Variants in FBXO7 observed in about 807,000 individuals in gnomAD.
FBXO7 encodes the protein F-box protein 7.
A neutral mutation model predicts 50.2 loss-of-function variants in FBXO7; 31 were observed. The observed-to-expected ratio is 0.62, with a 90% CI of 0.46 to 0.83. The LOEUF (loss-of-function observed/expected upper bound fraction) is 0.83. Among genes scored for constraint, FBXO7 ranks in the 40% least tolerant of loss-of-function variants. FBXO7 has a pLI of 0.00. For missense variants in FBXO7, 667 were observed against 646.6 expected (o/e 1.03, Z -0.34); for synonymous variants, 256 against 253.1 (o/e 1.01, Z -0.11).
Position 32,474,845 on chromosome 22 carries a change from CTG to C in FBXO7, c.-155_-154del. The C allele has an allele frequency of 1.4e-6, 1 of 711,860 alleles. No homozygotes were observed. The highest frequency in any genetic ancestry group is 3.0e-5 in the East Asian group (1 of 33,100). 44.1% of individuals were successfully genotyped at this position (711,860 alleles called of 1,614,324 possible). A position where few individuals can be genotyped will look rare whatever the true frequency, so the allele number is the denominator to read the frequency against. On this transcript the variant is annotated 5_prime_UTR_variant, in exon 1 of 9. Transcript: ENST00000266087. ...CAGAGACCGAGTGGCAGGGCGGCCA[CTG>C]TGGCGGGGCTCTTTCCCCGTTTCGC...
intron 2 of FBXO7, among the ~76,000 whole-genome samples, chr22:32,480,477 C>G (rs2057457529): frequency 6.6e-6 from 1 of 152,030 alleles, no homozygotes; most frequent in East Asian, 1.9e-4. Context: ...CACACACAAC[C>G]TGGTGACTAC....
intron 4 of FBXO7, among the ~76,000 whole-genome samples, chr22:32,486,478 G>A (rs980812596): frequency 1.3e-5 from 2 of 151,930 alleles, no homozygotes; most frequent in Admixed American, 1.3e-4. Context: ...GACCACAGGC[G>A]TGTACCACCA....
chr22:32,495,796 T>A (rs544921268), intron 8 of FBXO7, among the ~76,000 whole-genome samples: 4 of 152,232 alleles, frequency 2.6e-5, no homozygotes, highest in Non-Finnish European at 4.4e-5. Context: ...ATGAGTTGTC[T>A]GTGCTGGAGT....
chr22:32,485,257 G>C (rs752233316), intron 4 of FBXO7, 48 bp downstream of exon 4: 18 of 1,612,092 alleles, frequency 1.1e-5, no homozygotes, highest in Middle Eastern at 3.4e-4. Flanking sequence ...ATTCTTAGAC[G>C]TTTCTTTCCA....
chr22:32,475,345 T>A (rs780528326), intron 1 of FBXO7: 1 of 1,607,822 alleles, frequency 6.2e-7, no homozygotes. Context: ...TCGGCTGGGG[T>A]CCGGCTCCTG....
chr22:32,477,018 A>T (rs2057433506), intron 1 of FBXO7, among the ~76,000 whole-genome samples: 1 of 152,222 alleles, frequency 6.6e-6, no homozygotes, highest in Non-Finnish European at 1.5e-5. Flanking sequence ...TTGCTGTGAC[A>T]AATGACCCAT....
intron 2 of FBXO7, among the ~76,000 whole-genome samples, chr22:32,483,215 T>C (rs1392300549): frequency 1.3e-5 from 2 of 152,226 alleles, no homozygotes; most frequent in African/African-American, 2.4e-5. Context: ...ATTATTGTTA[T>C]TAGACTCCTC....
chr22:32,494,126 A>G (rs1464626751), intron 7 of FBXO7, among the ~76,000 whole-genome samples: 4 of 149,600 alleles, frequency 2.7e-5, no homozygotes, highest in Non-Finnish European at 6.0e-5. Flanking sequence ...AAAAAAAAAA[A>G]AGAATATCAT....
In FBXO7 at chr22:32,484,954, A is replaced by G. The variant is rs1482797765; in HGVS notation, c.646-114A>G. 14 of 1,199,024 alleles carry G rather than the reference A, an allele frequency of 1.2e-5. No homozygotes were observed. The East Asian group carries it at 3.1e-4, about 26-fold the overall frequency. The allele number at this position is 1,199,024 out of a possible 1,614,324, so 74.3% of individuals were successfully genotyped here. The stretch of plus-strand genomic sequence containing the variant: ...GTTAATGATTTGATGCATTTTATTA[A>G]GAGGACTGTGTGGAGTGATTATTTC... On this transcript the variant is annotated intron_variant, in intron 3 of 8. Coordinates refer to ENST00000266087, the MANE Select transcript of FBXO7 (RefSeq NM_012179.4).
intron 1 of FBXO7, among the ~76,000 whole-genome samples, chr22:32,478,393 G>A (rs1269474167): frequency 6.6e-6 from 1 of 152,074 alleles, no homozygotes. Flanking sequence ...ATTGATTTTA[G>A]GAAGTATCTT....
chr22:32,483,496 A>T (rs897001216), intron 2 of FBXO7, among the ~76,000 whole-genome samples: 9 of 152,214 alleles, frequency 5.9e-5, no homozygotes, highest in African/African-American at 1.9e-4. Context: ...TGAAGAAGGG[A>T]TACTTGCAAC....
chr22:32,482,346 C>T (rs370840462), intron 2 of FBXO7, among the ~76,000 whole-genome samples: 4 of 152,204 alleles, frequency 2.6e-5, no homozygotes, highest in African/African-American at 9.6e-5. Context: ...TCACCTCCGG[C>T]TCCCCTCCAT....
chr22:32,495,378 T>TC lies in FBXO7; in HGVS notation c.1145-115_1145-114insC. 3 of 636,964 alleles carry TC rather than the reference T, an allele frequency of 4.7e-6. No homozygotes were observed. In the Admixed American group the frequency reaches 9.7e-5, roughly 21 times the overall value. The allele number at this position is 636,964 out of a possible 1,614,324, so 39.5% of individuals were successfully genotyped here. ...TTATATAAATGGTTAGTTTTTTTTTTTTTTTATGCTTAACGGGTAAGTTTC... is the reference window on the plus strand; with the variant it reads ...TTATATAAATGGTTAGTTTTTTTTTTCTTTTTATGCTTAACGGGTAAGTTTC... On this transcript the variant is annotated intron_variant, in intron 7 of 8. Coordinates refer to ENST00000266087, the MANE Select transcript of FBXO7 (RefSeq NM_012179.4).
chr22:32,475,951 C>T (rs141087181), intron 1 of FBXO7: 2 of 152,208 alleles, frequency 1.3e-5, no homozygotes, highest in East Asian at 1.9e-4. Context: ...GGGAGTAAAG[C>T]GGCAAGGTAA....
At chr22:32,475,977 A>G (rs1330017066) in intron 1 of FBXO7, 1 of 152,216 alleles carries the variant, frequency 6.6e-6, no homozygotes, top group African/African-American at 2.4e-5. Context: ...GTCCTCTTCA[A>G]ATACTGAGCT....
chr22:32,487,646 A>G, intron 4 of FBXO7, 99 bp from the exon 5 acceptor site: 1 of 752,172 alleles, frequency 1.3e-6, no homozygotes, highest in Admixed American at 2.1e-5. Flanking sequence ...ATGTGTCCTT[A>G]GTATATTAGG....
At chr22:32,485,353 A>C in intron 4 of FBXO7, 144 bp downstream of exon 4, 1 of 1,082,268 alleles carries the variant, frequency 9.2e-7, no homozygotes, top group Non-Finnish European at 1.4e-6. Flanking sequence ...GGCCACTGAT[A>C]ACATGTGTCT....
At chr22:32,479,372 T>A in intron 2 of FBXO7, 97 bp downstream of exon 2, 1 of 1,120,946 alleles carries the variant, frequency 8.9e-7, no homozygotes, top group Admixed American at 1.9e-5. Context: ...TTATCATCGA[T>A]AGATTGCACA....
chr22:32,475,368 C>T (rs759573587), intron 1 of FBXO7: 38 of 1,610,152 alleles, frequency 2.4e-5, no homozygotes, highest in East Asian at 4.5e-5. Flanking sequence ...GAACATGGCC[C>T]GGCCTCCCGG....
Sources: gnomAD v4.1 joint callset for allele counts (sites outside exome capture counted in the v4.1 genomes callset) on GRCh38, gnomAD v4.1.1 for gene constraint, MANE v1.5 for transcripts, NCBI Gene and HGNC (gene_info 2026-07-23, HGNC 2026-07-21) for gene names.